DCDC2: variants seen among roughly 807,000 people sequenced by gnomAD.
DCDC2 encodes doublecortin domain-containing protein 2.
DCDC2 carries 40 observed loss-of-function variants against 50.2 expected under a neutral mutation model. The observed-to-expected ratio is 0.80, with a 90% confidence interval of 0.62 to 1.04. The LOEUF (loss-of-function observed/expected upper bound fraction) is 1.04. DCDC2 is among the 50% of genes least tolerant of loss of function. DCDC2 has a pLI of 0.00. For synonymous variants in DCDC2, 234 were observed against 210.6 expected, an observed-to-expected ratio of 1.11 and a Z score of -0.96; for missense variants, 570 against 581.9, an observed-to-expected ratio of 0.98 and a Z score of 0.21.
At chr6:24,177,804 C>T (rs1760957697) in intron 9 of DCDC2, among the ~76,000 whole-genome samples, 1 of 152,102 alleles carries the variant, frequency 6.6e-6, no homozygotes, top group Middle Eastern at 3.2e-3. Flanking sequence ...TGTATACTAC[C>T]CAAGTGCCTA....
At chr6:24,300,723 G>A (rs962460384) in intron 4 of DCDC2, among the ~76,000 whole-genome samples, 2 of 152,292 alleles carry the variant, frequency 1.3e-5, no homozygotes, top group Non-Finnish European at 2.9e-5. Context: ...ACTTGAAACA[G>A]TGTACTCTGC....
At chr6:24,378,460 G>A in the DCDC2 span, among the ~76,000 whole-genome samples, 2 of 152,040 alleles carry the variant, frequency 1.3e-5, no homozygotes, top group Non-Finnish European at 2.9e-5. Flanking sequence ...TATTGTGAGA[G>A]TATGAAAGCC....
intron 7 of DCDC2, among the ~76,000 whole-genome samples, chr6:24,223,046 G>A (rs1364926407): frequency 2.0e-5 from 3 of 152,300 alleles, no homozygotes; most frequent in South Asian, 4.1e-4. Flanking sequence ...GTGGCCAAAT[G>A]AATTTAGCAC....
At chr6:24,322,129 C>CT (rs1239156110) in intron 2 of DCDC2, among the ~76,000 whole-genome samples, 3 of 151,958 alleles carry the variant, frequency 2.0e-5, no homozygotes, top group African/African-American at 7.2e-5. Flanking sequence ...TGGGAAAAGA[C>CT]TTTTTTTTCA....
In DCDC2 at chr6:24,291,056, G is replaced by C. The variant is rs758636801; in HGVS notation, c.580C>G (p.Leu194Val). The change falls in exon 5 of 10, where the codon CTT (leucine) becomes GTT (valine). Residue 194 changes from leucine (L) to valine (V), a missense_variant. By Grantham distance (32) the Leu-to-Val change is conservative (BLOSUM62 1). Transcript: ENST00000378454. ...TCCAACTCTGCTCCACTCTCAACAA[G>C]TTTTCCTTCTAAAGTATAAAGCCTG... ...VHRLYTLEGK[L>V]VESGAELENG... The C allele has an allele frequency of 6.2e-7, 1 of 1,613,096 alleles. No individual in the cohort carries two copies. The highest frequency in any genetic ancestry group is 2.2e-5 in the East Asian group (1 of 44,850).
chr6:24,197,316 C>G (rs1761466917), intron 8 of DCDC2, among the ~76,000 whole-genome samples: 1 of 152,194 alleles, frequency 6.6e-6, no homozygotes, highest in Non-Finnish European at 1.5e-5. Flanking sequence ...AGAAATATCT[C>G]ACAGATTTGC....
chr6:24,283,149 C>T (rs919465272), intron 6 of DCDC2, among the ~76,000 whole-genome samples: 1 of 152,200 alleles, frequency 6.6e-6, no homozygotes, highest in African/African-American at 2.4e-5. Flanking sequence ...TATGATTCTA[C>T]ATGGTGTCAC....
At chr6:24,334,281 C>T (rs1403931896) in intron 2 of DCDC2, among the ~76,000 whole-genome samples, 2 of 152,148 alleles carry the variant, frequency 1.3e-5, no homozygotes, top group Non-Finnish European at 2.9e-5. Flanking sequence ...ATGCTGGACA[C>T]AATATGTTAT....
intron 7 of DCDC2, among the ~76,000 whole-genome samples, chr6:24,249,683 A>C (rs936446068): frequency 6.6e-6 from 1 of 152,228 alleles, no homozygotes; most frequent in African/African-American, 2.4e-5. Context: ...AGTTGTAATC[A>C]TTGTGAATTA....
chr6:24,334,323 T>C (rs1385708193), intron 2 of DCDC2, among the ~76,000 whole-genome samples: 2 of 152,214 alleles, frequency 1.3e-5, no homozygotes, highest in Admixed American at 6.5e-5. Flanking sequence ...GCTTAGCTAG[T>C]TGACGAAAAC....
At chr6:24,203,073 T>C (rs1386085900) in intron 8 of DCDC2, among the ~76,000 whole-genome samples, 2 of 152,186 alleles carry the variant, frequency 1.3e-5, no homozygotes, top group Admixed American at 6.5e-5. Flanking sequence ...AAGTAAGGTA[T>C]AGATTCAATG....
chr6:24,184,775 C>A (rs1461280976), intron 8 of DCDC2, among the ~76,000 whole-genome samples: 1 of 152,142 alleles, frequency 6.6e-6, no homozygotes, highest in East Asian at 1.9e-4. Flanking sequence ...TAAATTACCT[C>A]TGAAAATTGG....
At chr6:24,238,404 T>C (rs999344831) in intron 7 of DCDC2, among the ~76,000 whole-genome samples, 1 of 151,412 alleles carries the variant, frequency 6.6e-6, no homozygotes, top group Non-Finnish European at 1.5e-5. Context: ...GTTCAAGCGA[T>C]TATCATGCCT....
intron 2 of DCDC2, among the ~76,000 whole-genome samples, chr6:24,322,334 A>G (rs1277505134): frequency 6.6e-6 from 1 of 152,162 alleles, no homozygotes; most frequent in Non-Finnish European, 1.5e-5. Flanking sequence ...GCATATCGTG[A>G]CTTACTTTCC....
At chr6:24,237,388 A>C (rs778924715) in intron 7 of DCDC2, among the ~76,000 whole-genome samples, 4 of 152,216 alleles carry the variant, frequency 2.6e-5, no homozygotes, top group Non-Finnish European at 5.9e-5. Context: ...TAAAAATGCA[A>C]AATAAATTGC....
chr6:24,187,888 G>A (rs1393708405), intron 8 of DCDC2, among the ~76,000 whole-genome samples: 1 of 152,160 alleles, frequency 6.6e-6, no homozygotes, highest in African/African-American at 2.4e-5. Context: ...AGAAAAACAC[G>A]ATGATGATCC....
chr6:24,274,636 A>G (rs1211697660), intron 7 of DCDC2, among the ~76,000 whole-genome samples: 1 of 151,036 alleles, frequency 6.6e-6, no homozygotes, highest in Non-Finnish European at 1.5e-5. Flanking sequence ...AAAAGAAGAA[A>G]AGAAAAGAAA....
Position 24,174,783 on chromosome 6 carries a change from G to A in DCDC2, c.1378C>T (p.Pro460Ser), listed in dbSNP as rs1253412168. 1 of 1,613,458 alleles carries A rather than the reference G, an allele frequency of 6.2e-7. No homozygotes were observed. Among genetic ancestry groups the A allele is most frequent in the Admixed American group, 1.7e-5 (1 of 60,008 alleles). Residue 460 changes from proline to serine, a missense_variant, in exon 10 of 10, where the codon CCA becomes TCA. Physicochemically the swap from Pro to Ser is moderately conservative, Grantham distance 74. Transcript: ENST00000378454. ...TGTTGGTTGTTTTCATTTTCTTCTG[G>A]ACTGGTAATTTTTACTTCTGGCCTT... ...PPRPEVKITS[P>S]EENENNQQNK... is the part of the protein sequence containing the mutation.
intron 9 of DCDC2, among the ~76,000 whole-genome samples, chr6:24,176,696 G>A (rs1031776650): frequency 5.9e-5 from 9 of 152,260 alleles, no homozygotes; most frequent in South Asian, 2.1e-4. Context: ...ACACCTTACT[G>A]TACAATAGAT....
Sources: allele counts gnomAD v4.1 joint callset (sites outside exome capture counted in the v4.1 genomes callset), GRCh38; gene constraint gnomAD v4.1.1; transcripts MANE v1.5; gene names NCBI Gene and HGNC (gene_info 2026-07-23, HGNC 2026-07-21).